The following HLCS variants were observed in gnomAD, a reference collection of about 807,000 sequenced individuals.
HLCS encodes biotin--protein ligase.
Under a neutral mutation model 75.0 loss-of-function variants are expected in HLCS, and 53 were observed. The ratio of observed to expected loss-of-function variants is 0.71; its 90% CI spans 0.57 to 0.89. HLCS has a LOEUF of 0.89. Among genes scored for constraint, HLCS ranks in the 40% least tolerant of loss-of-function variants. The pLI is 0.00. For missense variants in HLCS, 966 were observed against 1,074.0 expected (o/e 0.90, Z 1.41); for synonymous variants, 431 against 428.6 (o/e 1.01, Z -0.07).
At chr21:36,951,244 A>G (rs970073300) in intron 2 of HLCS, among the ~76,000 whole-genome samples, 5 of 152,212 alleles carry the variant, frequency 3.3e-5, no homozygotes, top group African/African-American at 7.2e-5. Flanking sequence ...TTTCCCACAC[A>G]ACATTCCAGC....
At chr21:36,791,227 C>T (rs1443594383) in intron 6 of HLCS, among the ~76,000 whole-genome samples, 2 of 151,984 alleles carry the variant, frequency 1.3e-5, no homozygotes, top group African/African-American at 4.8e-5. Context: ...ATAAGGAAAC[C>T]CCACATAGGA....
chr21:36,814,425 A>C (rs1295699667), intron 6 of HLCS, among the ~76,000 whole-genome samples: 1 of 152,246 alleles, frequency 6.6e-6, no homozygotes, highest in African/African-American at 2.4e-5. Context: ...ATTTCTTAGT[A>C]TGTCTCAAAT....
chr21:36,788,872 G>C (rs370159725), intron 6 of HLCS, among the ~76,000 whole-genome samples: 1 of 152,114 alleles, frequency 6.6e-6, no homozygotes, highest in Non-Finnish European at 1.5e-5. Context: ...CTTTTTTGCG[G>C]GGGAAGGGGC....
At chr21:36,949,621 G>A (rs1401658039) in intron 2 of HLCS, among the ~76,000 whole-genome samples, 3 of 152,194 alleles carry the variant, frequency 2.0e-5, no homozygotes, top group Non-Finnish European at 4.4e-5. Flanking sequence ...CTCTCAATAG[G>A]AGGAAAGAAT....
At chr21:36,971,510 TAC>T (rs1395185400), upstream of HLCS, among the ~76,000 whole-genome samples, 1 of 152,012 alleles carries the variant, frequency 6.6e-6, no homozygotes, top group African/African-American at 2.4e-5. Flanking sequence ...CAAATTGAAA[TAC>T]ACCCAATTAT....
intron 5 of HLCS, among the ~76,000 whole-genome samples, chr21:36,919,722 T>G (rs544328683): frequency 1.3e-5 from 2 of 152,316 alleles, no homozygotes; most frequent in South Asian, 4.1e-4. Context: ...AAATTAACAG[T>G]AAAATTAGAG....
At chr21:36,768,213 T>TTTTTC (rs1421921389) in intron 6 of HLCS, among the ~76,000 whole-genome samples, 3 of 152,196 alleles carry the variant, frequency 2.0e-5, no homozygotes, top group South Asian at 2.1e-4. Flanking sequence ...CTCTTTGATT[T>TTTTTC]TTTTCTTTTC....
chr21:36,907,017 C>T (rs1005175966), intron 5 of HLCS, among the ~76,000 whole-genome samples: 1 of 152,136 alleles, frequency 6.6e-6, no homozygotes, highest in Non-Finnish European at 1.5e-5. Flanking sequence ...TCAAGCCAAC[C>T]TCCCACCTTG....
intron 6 of HLCS, among the ~76,000 whole-genome samples, chr21:36,888,748 G>T (rs2064640963): frequency 6.6e-6 from 1 of 151,762 alleles, no homozygotes. Flanking sequence ...CAACGCCCCT[G>T]ATCTCACAGC....
intron 6 of HLCS, among the ~76,000 whole-genome samples, chr21:36,848,304 CTG>C (rs1370389351): frequency 6.8e-6 from 1 of 147,054 alleles, no homozygotes; most frequent in African/African-American, 2.5e-5. Context: ...GAGTCTAGCT[CTG>C]TCACCCAGGC....
chr21:36,977,551 A>G (rs11909152), intron 1 of HLCS, among the ~76,000 whole-genome samples: 66,004 of 152,108 alleles, frequency 0.43, 14,403 homozygotes, highest in South Asian at 0.47. Context: ...GAATGTGGAA[A>G]GAAATTAAAA....
intron 5 of HLCS, among the ~76,000 whole-genome samples, chr21:36,910,992 T>C (rs1254963402): frequency 1.3e-5 from 2 of 152,192 alleles, no homozygotes; most frequent in African/African-American, 2.4e-5. Flanking sequence ...TTCACAAACA[T>C]CCAGGCTGAC....
intron 5 of HLCS, among the ~76,000 whole-genome samples, chr21:36,926,558 T>C (rs2066415064): frequency 6.6e-6 from 1 of 152,176 alleles, no homozygotes; most frequent in African/African-American, 2.4e-5. Flanking sequence ...AAATAACTCA[T>C]AACAAATAAC....
At chr21:36,804,884 C>T (rs1029471174) in intron 6 of HLCS, among the ~76,000 whole-genome samples, 1 of 152,224 alleles carries the variant, frequency 6.6e-6, no homozygotes, top group Non-Finnish European at 1.5e-5. Flanking sequence ...TAAAAGCACT[C>T]CAATCCTGGC....
intron 2 of HLCS, chr21:36,946,074 T>C: frequency 1.0e-6 from 1 of 983,476 alleles, no homozygotes; most frequent in Non-Finnish European, 1.2e-6. Flanking sequence ...AAGGGTGCTC[T>C]TATGGTTCCA....
At chr21:36,892,089 A>C (rs2064809661) in intron 6 of HLCS, among the ~76,000 whole-genome samples, 1 of 152,214 alleles carries the variant, frequency 6.6e-6, no homozygotes, top group Non-Finnish European at 1.5e-5. Flanking sequence ...ATCAGAAGCA[A>C]ACAGACTAGA....
chr21:36,948,549 G>GTGAA (rs2067517329), intron 2 of HLCS, among the ~76,000 whole-genome samples: 1 of 151,338 alleles, frequency 6.6e-6, no homozygotes, highest in African/African-American at 2.4e-5. Flanking sequence ...GGGCAACAAG[G>GTGAA]TGAAACCCCA....
At chr21:36,768,866 G>A (rs538836537) in intron 6 of HLCS, among the ~76,000 whole-genome samples, 2 of 152,270 alleles carry the variant, frequency 1.3e-5, no homozygotes, top group East Asian at 1.9e-4. Context: ...GTCTGTGCAG[G>A]GAGTTAACAT....
intron 6 of HLCS, chr21:36,806,347 G>A (rs1367760962): frequency 1.3e-5 from 2 of 152,296 alleles, no homozygotes; most frequent in East Asian, 1.9e-4. Flanking sequence ...GTGGTTCCCT[G>A]TGTGACATCA....
Sources: allele counts gnomAD v4.1 joint callset (sites outside exome capture counted in the v4.1 genomes callset), GRCh38; gene constraint gnomAD v4.1.1; transcripts MANE v1.5; gene names NCBI Gene and HGNC (gene_info 2026-07-23, HGNC 2026-07-21).